Variants in ROPN1 observed in about 807,000 individuals in gnomAD.
The protein encoded by ROPN1 is rhophilin associated tail protein 1.
ROPN1 carries 14 observed loss-of-function variants against 20.5 expected under a neutral mutation model. The observed-to-expected ratio is 0.68, with a 90% CI of 0.45 to 1.07. The LOEUF (loss-of-function observed/expected upper bound fraction) is 1.07. ROPN1 is among the 50% of genes least tolerant of loss of function. The pLI, the probability that ROPN1 is intolerant of heterozygous loss-of-function variation, is 0.00. For synonymous variants in ROPN1, 76 were observed against 95.7 expected (o/e 0.79, Z 1.20); for missense variants, 169 against 242.8 (o/e 0.70, Z 2.02).
At chr3:123,976,191 T>C (rs1220218872) in intron 3 of ROPN1, among the ~76,000 whole-genome samples, 1 of 152,172 alleles carries the variant, frequency 6.6e-6, no homozygotes, top group Non-Finnish European at 1.5e-5. Flanking sequence ...AGATGCCCGA[T>C]GAAGTGCTCC....
intron 1 of ROPN1, among the ~76,000 whole-genome samples, chr3:123,981,819 T>C (rs933852148): frequency 6.6e-6 from 1 of 152,218 alleles, no homozygotes; most frequent in African/African-American, 2.4e-5. Flanking sequence ...AATTTTAGAC[T>C]TTGCAAAGTG....
intron 4 of ROPN1, among the ~76,000 whole-genome samples, chr3:123,973,066 C>T (rs904511928): frequency 6.6e-6 from 1 of 151,994 alleles, no homozygotes; most frequent in African/African-American, 2.4e-5. Flanking sequence ...CATGAGGGCT[C>T]CACCCTCATG....
At chr3:123,983,606 G>A (rs2038194700) in intron 1 of ROPN1, among the ~76,000 whole-genome samples, 1 of 151,902 alleles carries the variant, frequency 6.6e-6, no homozygotes, top group African/African-American at 2.4e-5. Flanking sequence ...TTCATTTTGG[G>A]GCAAGGAATC....
chr3:123,987,726 A>G (rs368489428), intron 1 of ROPN1, among the ~76,000 whole-genome samples: 2 of 152,274 alleles, frequency 1.3e-5, no homozygotes, highest in South Asian at 4.1e-4. Context: ...CAATATTGCT[A>G]AGAGCAGTCC....
intron 1 of ROPN1, among the ~76,000 whole-genome samples, chr3:123,984,253 T>C (rs987598236): frequency 6.6e-6 from 1 of 152,210 alleles, no homozygotes; most frequent in Non-Finnish European, 1.5e-5. Flanking sequence ...CTTGTGCTTC[T>C]ATTTCATACT....
At chr3:123,985,659 A>G (rs554510206) in intron 1 of ROPN1, among the ~76,000 whole-genome samples, 1 of 147,998 alleles carries the variant, frequency 6.8e-6, no homozygotes, top group Admixed American at 6.6e-5. Flanking sequence ...CTCTAAAAAA[A>G]TAATAGAAAA....
chr3:123,985,992 CAAAAAAAAA>C (rs35677015), intron 1 of ROPN1, among the ~76,000 whole-genome samples: 4 of 22,126 alleles, frequency 1.8e-4, no homozygotes, highest in Non-Finnish European at 3.5e-4. Context: ...GACCTTGTCT[CAAAAAAAAA>C]AAAAAAAAAA....
intron 1 of ROPN1, among the ~76,000 whole-genome samples, chr3:123,986,018 A>AAAAAATT (rs201340337): frequency 1.1e-5 from 1 of 93,966 alleles, no homozygotes; most frequent in Non-Finnish European, 2.0e-5. Flanking sequence ...AAAAAAAAAA[A>AAAAAATT]TCAAAATATT....
intron 2 of ROPN1, 144 bp downstream of exon 2, chr3:123,980,222 A>C (rs556317509): frequency 3.0e-5 from 22 of 734,462 alleles, no homozygotes; most frequent in Non-Finnish European, 4.6e-5. Context: ...ATTTTAAAGC[A>C]TCAAAGCAAT....
intron 1 of ROPN1, 71 bp downstream of exon 1, chr3:123,991,851 C>T (rs1370535344): frequency 1.3e-5 from 2 of 151,960 alleles, no homozygotes; most frequent in South Asian, 2.1e-4. Context: ...CAGGGCTCCT[C>T]CCTCAGACCA....
At chr3:123,987,748 G>C (rs759018150) in intron 1 of ROPN1, among the ~76,000 whole-genome samples, 1 of 152,148 alleles carries the variant, frequency 6.6e-6, no homozygotes, top group Non-Finnish European at 1.5e-5. Flanking sequence ...ACTTGACCTT[G>C]TCCTTTTTTT....
rs374740770 is a variant in ROPN1 at position 123,980,492 on chromosome 3, G to A, written c.-11C>T. ...ATCTGTCTGAGCCATTGATTGGTTG[G>A]CCTATTCTCAGGAGAAAAAAATACG... On this transcript the variant is annotated splice_region_variant and 5_prime_UTR_variant, in exon 2 of 6. Transcript: ENST00000405845. The A allele has an allele frequency of 9.3e-6, 15 of 1,613,252 alleles. No homozygotes were observed. The highest frequency in any genetic ancestry group is 6.7e-5 in the African/African-American group (5 of 74,876).
intron 3 of ROPN1, among the ~76,000 whole-genome samples, chr3:123,976,091 T>C (rs1280644565): frequency 6.6e-6 from 1 of 152,184 alleles, no homozygotes; most frequent in Non-Finnish European, 1.5e-5. Context: ...CCAGGTATTT[T>C]AGAGCTCTGT....
At chr3:123,972,301 A>G (rs2037932888) in intron 4 of ROPN1, among the ~76,000 whole-genome samples, 3 of 152,242 alleles carry the variant, frequency 2.0e-5, no homozygotes, top group Non-Finnish European at 1.5e-5. Context: ...GACTGGAGCT[A>G]TTTGGTAAAC....
intron 1 of ROPN1, among the ~76,000 whole-genome samples, chr3:123,990,801 A>T (rs1015180680): frequency 1.3e-4 from 20 of 152,238 alleles, no homozygotes; most frequent in Admixed American, 5.2e-4. Flanking sequence ...ATGGAGGCCA[A>T]CATATACCTG....
Position 123,986,370 on chromosome 3 carries a change from TGACCACACAGTGGC to T in ROPN1, c.-13+5538_-13+5551del, listed in dbSNP as rs537067989. The stretch of plus-strand genomic sequence containing the variant: ...CAGGGACATACAAAAGTTCCTGAAA[TGACCACACAGTGGC>T]AGAGGCAAGGCAGCTATTGTGGGGA... On this transcript the variant is annotated intron_variant, in intron 1 of 5. Coordinates refer to ENST00000405845, the MANE Select transcript of ROPN1 (RefSeq NM_001317774.2). 2.4e-4 allele frequency among the ~76,000 whole-genome samples: 37 copies of T among 152,252 alleles called. No individual in the cohort carries two copies. In the East Asian group the frequency reaches 6.2e-3, roughly 25 times the overall value.
In ROPN1 at chr3:123,969,094, T is replaced by C; in HGVS notation, c.*61A>G. 2 of 1,390,110 alleles carry C rather than the reference T, an allele frequency of 1.4e-6. No individual in the cohort carries two copies. The highest frequency in any genetic ancestry group is 2.0e-6 in the Non-Finnish European group (2 of 976,480). The allele number at this position is 1,390,110 out of a possible 1,614,324, so 86.1% of individuals were successfully genotyped here. ...ATTGATTTTGGGTGGTATATGGGTT[T>C]CAGTCATTCTGAAGTACAATCATCT... On this transcript the variant is annotated 3_prime_UTR_variant, in exon 6 of 6. Transcript: ENST00000405845.
At chr3:123,977,074 A>T in intron 2 of ROPN1, 93 bp from the exon 3 acceptor site, 1 of 1,309,768 alleles carries the variant, frequency 7.6e-7, no homozygotes, top group Non-Finnish European at 1.0e-6. Flanking sequence ...TGAGGGAAGG[A>T]GGTAGAGAAA....
At chr3:123,983,683 T>C (rs1332458487) in intron 1 of ROPN1, among the ~76,000 whole-genome samples, 1 of 152,206 alleles carries the variant, frequency 6.6e-6, no homozygotes, top group African/African-American at 2.4e-5. Context: ...CTTGCAGTTT[T>C]TTTTTCTCTT....
Sources: allele counts gnomAD v4.1 joint callset (sites outside exome capture counted in the v4.1 genomes callset), GRCh38; gene constraint gnomAD v4.1.1; transcripts MANE v1.5; gene names NCBI Gene and HGNC (gene_info 2026-07-23, HGNC 2026-07-21).